The following RGS6 variants were observed in gnomAD, a reference collection of about 807,000 sequenced individuals.
The protein encoded by RGS6 is regulator of G-protein signaling 6.
A neutral mutation model predicts 78.5 loss-of-function variants in RGS6; 30 were observed. The observed-to-expected ratio is 0.38, with a 90% CI of 0.29 to 0.52. The LOEUF (loss-of-function observed/expected upper bound fraction) is 0.52, where lower values mean the gene tolerates loss of function less well. Among genes scored for constraint, RGS6 ranks in the 20% least tolerant of loss-of-function variants. The pLI is 0.85. For missense variants in RGS6, 495 were observed against 609.7 expected, an observed-to-expected ratio of 0.81 and a Z score of 1.98; for synonymous variants, 206 against 206.0, an observed-to-expected ratio of 1.00 and a Z score of 0.00.
chr14:72,084,732 C>T (rs1172303297), intron 2 of RGS6, among the ~76,000 whole-genome samples: 1 of 148,154 alleles, frequency 6.7e-6, no homozygotes, highest in African/African-American at 2.5e-5. Context: ...AAAGCTCATT[C>T]ATTGATTTTT....
At chr14:72,540,613 G>A (rs1271577876) in intron 17 of RGS6, 8 of 1,465,984 alleles carry the variant, frequency 5.5e-6, no homozygotes, top group Non-Finnish European at 5.5e-6. Context: ...CGTGCTGCAT[G>A]GGTCCTGGCG....
intron 3 of RGS6, among the ~76,000 whole-genome samples, chr14:72,386,456 T>C (rs908677395): frequency 6.6e-6 from 1 of 152,186 alleles, no homozygotes; most frequent in African/African-American, 2.4e-5. Flanking sequence ...GAGAATCACT[T>C]GAACCCTGAA....
intron 3 of RGS6, among the ~76,000 whole-genome samples, chr14:72,369,071 CATA>C (rs2082959330): frequency 6.6e-6 from 1 of 152,126 alleles, no homozygotes; most frequent in African/African-American, 2.4e-5. Flanking sequence ...ACAAAAATCT[CATA>C]ATGTTTTAAG....
chr14:72,578,138 G>C, the RGS6 span, among the ~76,000 whole-genome samples: 2 of 152,182 alleles, frequency 1.3e-5, no homozygotes, highest in African/African-American at 4.8e-5. Flanking sequence ...CTGACCATTA[G>C]AACTTAGATT....
chr14:72,442,388 T>C (rs1174281848), intron 3 of RGS6, among the ~76,000 whole-genome samples: 2 of 152,124 alleles, frequency 1.3e-5, no homozygotes, highest in Non-Finnish European at 2.9e-5. Flanking sequence ...TTTTCACTGT[T>C]TCCCATTGAT....
the RGS6 span, among the ~76,000 whole-genome samples, chr14:71,867,662 A>G: frequency 6.6e-6 from 1 of 152,208 alleles, no homozygotes; most frequent in Non-Finnish European, 1.5e-5. Flanking sequence ...GGCTAGAGAA[A>G]GAACCCTTGG....
the RGS6 span, among the ~76,000 whole-genome samples, chr14:71,926,583 C>CAAAAAAAAAAA: frequency 1.9e-5 from 1 of 53,348 alleles, no homozygotes; most frequent in Non-Finnish European, 3.4e-5. Flanking sequence ...GACTCTGTCT[C>CAAAAAAAAAAA]AGAAAAAAAA....
chr14:72,540,573 A>C, intron 17 of RGS6: 2 of 1,534,654 alleles, frequency 1.3e-6, no homozygotes, highest in Non-Finnish European at 1.8e-6. Flanking sequence ...GTTGCTGTGT[A>C]GGCGGCTTTT....
intron 2 of RGS6, among the ~76,000 whole-genome samples, chr14:72,263,163 C>T (rs79489701): frequency 2.1e-3 from 317 of 152,356 alleles, no homozygotes; most frequent in Non-Finnish European, 3.3e-3. Flanking sequence ...TGTCCACAGT[C>T]TTCCCCTTCT....
At chr14:72,133,729 T>C (rs1343851465) in intron 2 of RGS6, among the ~76,000 whole-genome samples, 5 of 152,156 alleles carry the variant, frequency 3.3e-5, no homozygotes, top group African/African-American at 9.7e-5. Context: ...AGTCTCTGAA[T>C]GTGCCTGGCT....
intron 2 of RGS6, among the ~76,000 whole-genome samples, chr14:72,109,395 C>T (rs918269803): frequency 2.6e-5 from 4 of 152,176 alleles, no homozygotes; most frequent in Non-Finnish European, 4.4e-5. Context: ...AAAACTGTGT[C>T]ACTGCTACCA....
intron 2 of RGS6, among the ~76,000 whole-genome samples, chr14:72,093,033 AGTGTGTGT>A (rs10567555): frequency 2.7e-5 from 4 of 149,538 alleles, no homozygotes; most frequent in African/African-American, 9.9e-5. Flanking sequence ...ACATACCAAA[AGTGTGTGT>A]GTGTGTGTGT....
the RGS6 span, among the ~76,000 whole-genome samples, chr14:72,600,260 C>T: frequency 1.3e-5 from 2 of 152,070 alleles, no homozygotes; most frequent in Non-Finnish European, 2.9e-5. Flanking sequence ...CAGGCACTGG[C>T]CTCTACAAAA....
chr14:72,539,862 G>A (rs534503946), intron 16 of RGS6, among the ~76,000 whole-genome samples, 179 bp from the exon 17 acceptor site: 7 of 152,176 alleles, frequency 4.6e-5, no homozygotes, highest in African/African-American at 1.7e-4. Flanking sequence ...TCTGTCTTCT[G>A]TCTCTCCCAT....
intron 3 of RGS6, among the ~76,000 whole-genome samples, chr14:72,450,161 T>TATGTATAGATATATG (rs1555407164): frequency 2.6e-4 from 40 of 152,000 alleles, no homozygotes; most frequent in Non-Finnish European, 4.9e-4. Flanking sequence ...CTCTCCATAT[T>TATGTATAGATATATG]TATATATATC....
At chr14:72,127,322 T>C (rs1179381017) in intron 2 of RGS6, among the ~76,000 whole-genome samples, 3 of 152,222 alleles carry the variant, frequency 2.0e-5, no homozygotes, top group African/African-American at 7.2e-5. Context: ...GAAATTAGTA[T>C]GTAAAGGAGC....
chr14:72,048,674 A>C (rs2093032842), intron 2 of RGS6, among the ~76,000 whole-genome samples: 1 of 151,678 alleles, frequency 6.6e-6, no homozygotes. Context: ...TTACAGCGAC[A>C]CTTTCTTTTT....
chr14:72,476,634 T>G (rs1305151714), intron 10 of RGS6, 108 bp from the exon 11 acceptor site: 25 of 723,422 alleles, frequency 3.5e-5, no homozygotes, highest in African/African-American at 7.1e-5. Flanking sequence ...AATCTCTTAT[T>G]GTCATGAGGG....
chr14:71,983,833 T>C lies in RGS6; in HGVS notation c.84+18958T>C, dbSNP rs140124843. ...TCCCAGGGTTTAGGACTACAAAATATCTTTTTGACAGACACAACTCAATCC... is the reference window on the plus strand; with the variant it reads ...TCCCAGGGTTTAGGACTACAAAATACCTTTTTGACAGACACAACTCAATCC... On this transcript the variant is annotated intron_variant, in intron 2 of 17. Transcript: ENST00000553525. Among the ~76,000 whole-genome samples, 8 of 152,360 alleles carry C rather than the reference T, an allele frequency of 5.3e-5. No homozygotes were observed. The East Asian group carries it at 1.2e-3, about 22-fold the overall frequency.
Sources: allele counts gnomAD v4.1 joint callset (sites outside exome capture counted in the v4.1 genomes callset), GRCh38; gene constraint gnomAD v4.1.1; transcripts MANE v1.5; gene names NCBI Gene and HGNC (gene_info 2026-07-23, HGNC 2026-07-21).